Variants in LRRC4C observed in about 807,000 individuals in gnomAD.
LRRC4C encodes leucine-rich repeat-containing protein 4C.
Under a neutral mutation model 33.6 loss-of-function variants are expected in LRRC4C, and 5 were observed. The ratio of observed to expected loss-of-function variants is 0.15; its 90% CI spans 0.08 to 0.31. The LOEUF is 0.31. Among genes scored for constraint, LRRC4C ranks in the 10% least tolerant of loss-of-function variants. The pLI is 1.00. For missense variants in LRRC4C, 560 were observed against 796.7 expected (o/e 0.70, Z 3.58); for synonymous variants, 329 against 302.0 (o/e 1.09, Z -0.93).
At chr11:41,258,431 A>G (rs1402817043) in intron 1 of LRRC4C, among the ~76,000 whole-genome samples, 1 of 151,924 alleles carries the variant, frequency 6.6e-6, no homozygotes, top group Non-Finnish European at 1.5e-5. Flanking sequence ...AGCAACACAA[A>G]CAGATCTGAT....
At chr11:40,155,506 G>A (rs1309874068) in intron 5 of LRRC4C, among the ~76,000 whole-genome samples, 1 of 151,936 alleles carries the variant, frequency 6.6e-6, no homozygotes, top group Non-Finnish European at 1.5e-5. Flanking sequence ...ACCTCACTAA[G>A]AAACAAAACA....
At chr11:40,972,965 C>A (rs1183124348) in intron 1 of LRRC4C, among the ~76,000 whole-genome samples, 2 of 152,120 alleles carry the variant, frequency 1.3e-5, no homozygotes, top group African/African-American at 4.8e-5. Flanking sequence ...ATGTTTAACA[C>A]CATCCCCCTT....
chr11:41,103,155 T>G (rs941772766), intron 1 of LRRC4C, among the ~76,000 whole-genome samples: 1 of 152,006 alleles, frequency 6.6e-6, no homozygotes, highest in African/African-American at 2.4e-5. Context: ...ATTTTCTTTT[T>G]GTTTATTATA....
intron 2 of LRRC4C, among the ~76,000 whole-genome samples, chr11:40,899,328 G>C (rs1419273859): frequency 1.3e-5 from 2 of 152,160 alleles, no homozygotes; most frequent in African/African-American, 4.8e-5. Context: ...AGAGTTGGAA[G>C]GTCCCTGGCT....
At chr11:40,847,643 G>A (rs1953253110) in intron 2 of LRRC4C, among the ~76,000 whole-genome samples, 1 of 152,170 alleles carries the variant, frequency 6.6e-6, no homozygotes, top group African/African-American at 2.4e-5. Flanking sequence ...TTTTAGTATC[G>A]TGATGATGTT....
chr11:40,326,682 G>A (rs1390115068), intron 3 of LRRC4C, among the ~76,000 whole-genome samples: 1 of 152,114 alleles, frequency 6.6e-6, no homozygotes, highest in Admixed American at 6.5e-5. Context: ...GTATTATAAA[G>A]ACATTGCTAG....
rs995396674 is a variant in LRRC4C at position 40,924,126 on chromosome 11, A to G, written c.-407+9509T>C. On this transcript the variant is annotated intron_variant, in intron 2 of 6. Coordinates refer to ENST00000528697, the MANE Select transcript of LRRC4C (RefSeq NM_001258419.2). The stretch of plus-strand genomic sequence containing the variant: ...TGTGTGTGTGTGTGTGTGTGTGTAT[A>G]TATATATATATGTATATATATGATA... Among the ~76,000 whole-genome samples the G allele has an allele frequency of 6.1e-5, 9 of 148,302 alleles. No individual in the cohort carries two copies. In the South Asian group the frequency reaches 6.4e-4, roughly 11 times the overall value.
intron 2 of LRRC4C, among the ~76,000 whole-genome samples, chr11:40,847,130 A>AC (rs55634961): frequency 0.92 from 140,149 of 152,112 alleles, 64,644 homozygotes; most frequent in East Asian, 1. Flanking sequence ...CTATTTGAAT[A>AC]CCTTTCTTTC....
intron 2 of LRRC4C, among the ~76,000 whole-genome samples, chr11:40,914,485 C>A (rs1243828275): frequency 6.6e-6 from 1 of 152,138 alleles, no homozygotes. Context: ...AGGCCTTAGA[C>A]AAAATTCGAC....
At chr11:40,462,749 T>A (rs965060668) in intron 3 of LRRC4C, among the ~76,000 whole-genome samples, 2 of 151,992 alleles carry the variant, frequency 1.3e-5, no homozygotes, top group African/African-American at 4.8e-5. Flanking sequence ...CCAATATAAA[T>A]CCCAGATGTA....
At chr11:40,949,779 C>A (rs566816951) in intron 1 of LRRC4C, among the ~76,000 whole-genome samples, 2 of 151,974 alleles carry the variant, frequency 1.3e-5, no homozygotes, top group Admixed American at 6.6e-5. Context: ...AATGTAAAGA[C>A]CATTGAGACT....
chr11:40,859,599 C>G (rs1953972150), intron 2 of LRRC4C, among the ~76,000 whole-genome samples: 2 of 151,870 alleles, frequency 1.3e-5, no homozygotes, highest in Admixed American at 1.3e-4. Flanking sequence ...CCTCCTTGCT[C>G]TGTACCCAAA....
At chr11:40,808,238 A>G (rs866635776) in intron 2 of LRRC4C, among the ~76,000 whole-genome samples, 21 of 152,054 alleles carry the variant, frequency 1.4e-4, no homozygotes, top group African/African-American at 5.1e-4. Flanking sequence ...TATTATGACT[A>G]TTTCTAGACT....
chr11:41,269,166 G>A (rs1361873274), intron 1 of LRRC4C, among the ~76,000 whole-genome samples: 2 of 152,088 alleles, frequency 1.3e-5, no homozygotes, highest in Non-Finnish European at 2.9e-5. Flanking sequence ...AATTAATTGA[G>A]CCCAGAGACC....
intron 3 of LRRC4C, among the ~76,000 whole-genome samples, chr11:40,634,289 C>T (rs921517664): frequency 1.3e-5 from 2 of 152,098 alleles, no homozygotes; most frequent in Non-Finnish European, 2.9e-5. Context: ...AAAGAAGCTT[C>T]GCTTTCCACA....
chr11:41,325,868 G>T (rs769278983), intron 1 of LRRC4C, among the ~76,000 whole-genome samples: 52 of 152,088 alleles, frequency 3.4e-4, no homozygotes, highest in Admixed American at 5.9e-4. Flanking sequence ...GAGAGGGGAG[G>T]ATGGGAGGAG....
At chr11:40,640,982 C>G (rs1330064955) in intron 3 of LRRC4C, among the ~76,000 whole-genome samples, 2 of 146,304 alleles carry the variant, frequency 1.4e-5, no homozygotes, top group African/African-American at 5.2e-5. Context: ...CGCCACTGCA[C>G]TCCAGCCCGC....
chr11:40,782,815 T>A (rs1178725782), intron 2 of LRRC4C, among the ~76,000 whole-genome samples: 1 of 152,140 alleles, frequency 6.6e-6, no homozygotes, highest in African/African-American at 2.4e-5. Context: ...TCTGTCACTG[T>A]CTCTCTCTGT....
chr11:40,573,924 T>C (rs1254948619), intron 3 of LRRC4C, among the ~76,000 whole-genome samples: 1 of 152,160 alleles, frequency 6.6e-6, no homozygotes, highest in Non-Finnish European at 1.5e-5. Context: ...TGGTGCATTG[T>C]AAATGCTCAG....
Sources: gnomAD v4.1 joint callset for allele counts (sites outside exome capture counted in the v4.1 genomes callset) on GRCh38, gnomAD v4.1.1 for gene constraint, MANE v1.5 for transcripts, NCBI Gene and HGNC (gene_info 2026-07-23, HGNC 2026-07-21) for gene names.